ATP8A2: variants seen among roughly 807,000 people sequenced by gnomAD.
ATP8A2 encodes the protein ATPase phospholipid transporting 8A2.
In ATP8A2, 100 loss-of-function variants were observed where a neutral mutation model predicts 165.6. That is an observed-to-expected ratio of 0.60 (90% CI 0.51 to 0.71). The LOEUF is 0.71. ATP8A2 is among the 30% of genes least tolerant of loss of function. The pLI, the probability that ATP8A2 is intolerant of heterozygous loss-of-function variation, is 0.00. For synonymous variants in ATP8A2, 543 were observed against 548.8 expected, an observed-to-expected ratio of 0.99 and a Z score of 0.15; for missense variants, 1,227 against 1,479.5, an observed-to-expected ratio of 0.83 and a Z score of 2.80.
intron 33 of ATP8A2, among the ~76,000 whole-genome samples, chr13:25,958,803 C>T (rs1035705345): frequency 2.6e-5 from 4 of 152,164 alleles, no homozygotes; most frequent in Middle Eastern, 3.2e-3. Flanking sequence ...CTTCATATAA[C>T]CTTTATTAAT....
chr13:25,429,371 TAAAAAAAAA>T (rs751056483), intron 1 of ATP8A2, among the ~76,000 whole-genome samples: 8 of 125,994 alleles, frequency 6.3e-5, no homozygotes, highest in African/African-American at 7.1e-5. Flanking sequence ...GACTCCATCT[TAAAAAAAAA>T]AAAAAAAAAA....
chr13:25,901,038 G>A (rs964697476), intron 33 of ATP8A2, among the ~76,000 whole-genome samples: 1 of 152,226 alleles, frequency 6.6e-6, no homozygotes, highest in Non-Finnish European at 1.5e-5. Flanking sequence ...AGTGCTGAAA[G>A]GTGGGCTGGG....
chr13:25,857,225 C>G (rs2138738838), intron 30 of ATP8A2, among the ~76,000 whole-genome samples: 1 of 152,316 alleles, frequency 6.6e-6, no homozygotes. Flanking sequence ...TTTCTCTCCT[C>G]TGTCTGGAAC....
intron 13 of ATP8A2, among the ~76,000 whole-genome samples, chr13:25,558,275 T>C (rs2138097813): frequency 6.6e-6 from 1 of 152,330 alleles, no homozygotes; most frequent in South Asian, 2.1e-4. Context: ...AGGCAGATTC[T>C]ACTAAATTTT....
chr13:25,597,437 T>G (rs1484246954), intron 24 of ATP8A2, among the ~76,000 whole-genome samples: 1 of 152,246 alleles, frequency 6.6e-6, no homozygotes, highest in Non-Finnish European at 1.5e-5. Context: ...GAGACTTTTC[T>G]CCATTGATGG....
At chr13:25,436,158 G>C (rs1245885379) in intron 1 of ATP8A2, among the ~76,000 whole-genome samples, 1 of 151,782 alleles carries the variant, frequency 6.6e-6, no homozygotes, top group Admixed American at 6.6e-5. Flanking sequence ...TACATGTGCA[G>C]GTCTGTCACA....
intron 24 of ATP8A2, among the ~76,000 whole-genome samples, chr13:25,624,692 T>C (rs937920178): frequency 2.0e-5 from 3 of 152,200 alleles, no homozygotes; most frequent in Admixed American, 6.5e-5. Flanking sequence ...TTGCTATTAA[T>C]TGGGTAAGTA....
intron 2 of ATP8A2, among the ~76,000 whole-genome samples, chr13:25,527,496 C>G (rs933199636): frequency 1.2e-4 from 18 of 152,138 alleles, no homozygotes; most frequent in African/African-American, 4.3e-4. Context: ...AGTGTTATAT[C>G]TTTAATTCTG....
At chr13:25,465,268 G>A (rs572655639) in intron 1 of ATP8A2, among the ~76,000 whole-genome samples, 62 of 152,168 alleles carry the variant, frequency 4.1e-4, no homozygotes, top group South Asian at 3.5e-3. Flanking sequence ...CTAATACAGG[G>A]TTAGGTTGAG....
intron 33 of ATP8A2, among the ~76,000 whole-genome samples, chr13:25,893,951 A>G (rs1200058781): frequency 2.0e-5 from 3 of 151,874 alleles, no homozygotes; most frequent in Non-Finnish European, 4.4e-5. Context: ...CTGGATGAGT[A>G]TGTTGCAAAA....
chr13:25,857,952 C>T (rs560532095), intron 30 of ATP8A2, among the ~76,000 whole-genome samples: 3 of 152,302 alleles, frequency 2.0e-5, no homozygotes, highest in Admixed American at 6.5e-5. Context: ...TGTCTCCTCA[C>T]TAGACCACAA....
At chr13:25,784,233 T>TA (rs369362359) in intron 27 of ATP8A2, among the ~76,000 whole-genome samples, 4,573 of 149,646 alleles carry the variant, frequency 0.031, 236 homozygotes, top group African/African-American at 0.11. Context: ...CTCCTTGGAA[T>TA]AAAAAAAAAA....
intron 33 of ATP8A2, among the ~76,000 whole-genome samples, chr13:25,875,592 T>C (rs1472501109): frequency 3.3e-5 from 5 of 151,912 alleles, no homozygotes; most frequent in Non-Finnish European, 7.3e-5. Context: ...AATAGATTAA[T>C]GAATTTAGCA....
chr13:25,631,201 C>T (rs943297073), intron 24 of ATP8A2, among the ~76,000 whole-genome samples: 3 of 151,792 alleles, frequency 2.0e-5, no homozygotes, highest in Non-Finnish European at 2.9e-5. Context: ...GACAGCATCA[C>T]TGTCCAACAG....
chr13:25,708,101 A>G (rs2043090113), intron 25 of ATP8A2, among the ~76,000 whole-genome samples: 2 of 152,130 alleles, frequency 1.3e-5, no homozygotes, highest in African/African-American at 2.4e-5. Context: ...ATTTTTGACA[A>G]TACTGCTTGC....
At chr13:25,744,798 C>T (rs1303825267) in intron 25 of ATP8A2, among the ~76,000 whole-genome samples, 1 of 152,114 alleles carries the variant, frequency 6.6e-6, no homozygotes, top group Non-Finnish European at 1.5e-5. Flanking sequence ...AGTTTCTTAT[C>T]GTTGCTAATT....
intron 6 of ATP8A2, among the ~76,000 whole-genome samples, chr13:25,536,940 C>T (rs963334273): frequency 6.6e-6 from 1 of 152,206 alleles, no homozygotes; most frequent in Non-Finnish European, 1.5e-5. Flanking sequence ...AGACATGACA[C>T]GCTGGGGCGC....
chr13:25,972,466 C>T (rs1023901990), intron 35 of ATP8A2, among the ~76,000 whole-genome samples: 3 of 152,128 alleles, frequency 2.0e-5, no homozygotes, highest in Non-Finnish European at 4.4e-5. Flanking sequence ...AAATGTTTGT[C>T]TTGATTTTAG....
At chr13:25,519,482 G>A (rs561751707) in intron 2 of ATP8A2, among the ~76,000 whole-genome samples, 2 of 152,086 alleles carry the variant, frequency 1.3e-5, no homozygotes, top group South Asian at 4.2e-4. Flanking sequence ...CACTGCCCTA[G>A]TACATAATTA....
Sources: allele counts gnomAD v4.1 joint callset (sites outside exome capture counted in the v4.1 genomes callset), GRCh38; gene constraint gnomAD v4.1.1; transcripts MANE v1.5; gene names NCBI Gene and HGNC (gene_info 2026-07-23, HGNC 2026-07-21).